Variants in ASH1L observed in about 807,000 individuals in gnomAD.
ASH1L encodes ASH1 like histone lysine methyltransferase, also known as histone-lysine N-methyltransferase ASH1L.
A neutral mutation model predicts 269.0 loss-of-function variants in ASH1L; 23 were observed. The observed-to-expected ratio is 0.09, with a 90% CI of 0.06 to 0.12. The LOEUF (loss-of-function observed/expected upper bound fraction) is 0.12. Ranked by LOEUF, ASH1L falls within the 10% of genes least tolerant of loss-of-function variation. The pLI, the probability that ASH1L is intolerant of heterozygous loss-of-function variation, is 1.00. For synonymous variants in ASH1L, 1,187 were observed against 1,253.5 expected (o/e 0.95, Z 1.12); for missense variants, 2,912 against 3,567.8 (o/e 0.82, Z 4.68).
intron 1 of ASH1L, among the ~76,000 whole-genome samples, chr1:155,529,008 T>C (rs1321916657): frequency 3.9e-5 from 6 of 152,172 alleles, no homozygotes; most frequent in Admixed American, 1.3e-4. Context: ...ACTCCATCCA[T>C]GATCCTGCCA....
intron 24 of ASH1L, among the ~76,000 whole-genome samples, chr1:155,342,347 T>C: frequency 6.6e-6 from 1 of 152,106 alleles, no homozygotes; most frequent in Non-Finnish European, 1.5e-5. Context: ...AAATGTAAAC[T>C]GAGTGCTGCA....
intron 1 of ASH1L, among the ~76,000 whole-genome samples, chr1:155,543,824 T>C (rs576145994): frequency 1.3e-5 from 2 of 151,984 alleles, no homozygotes; most frequent in African/African-American, 4.8e-5. Context: ...CCCAGCTACT[T>C]GGCAGGGGCT....
intron 4 of ASH1L, among the ~76,000 whole-genome samples, chr1:155,448,061 G>C (rs144731764): frequency 5.3e-5 from 8 of 152,286 alleles, no homozygotes; most frequent in African/African-American, 1.9e-4. Context: ...CAGGGGTCAA[G>C]TTTTTCTTTT....
In ASH1L at chr1:155,431,687, C is replaced by T. The variant is rs1055976686; in HGVS notation, c.5828+6640G>A. 3.9e-5 allele frequency among the ~76,000 whole-genome samples: 6 copies of T among 152,144 alleles called. No individual in the cohort carries two copies. The South Asian group carries it at 1.2e-3, about 32-fold the overall frequency. On this transcript the variant is annotated intron_variant, in intron 5 of 27. Transcript: ENST00000392403. ...GGATGGGGGTGGAGACGCTTGAGCC[C>T]GGGAGGTGGAGGTTGCAGTGAACTG...
chr1:155,395,111 A>AT (rs1217661802), intron 7 of ASH1L, among the ~76,000 whole-genome samples: 1 of 151,900 alleles, frequency 6.6e-6, no homozygotes, highest in Non-Finnish European at 1.5e-5. Context: ...TAATTTTCAT[A>AT]TTTTTTGTAG....
chr1:155,338,519 T>G (rs542011555), intron 26 of ASH1L, 129 bp from the exon 27 acceptor site: 1 of 690,616 alleles, frequency 1.4e-6, no homozygotes, highest in African/African-American at 1.8e-5. Flanking sequence ...GGTAAGAAAC[T>G]TGACTCTCGT....
At chr1:155,545,979 A>C (rs889884167) in intron 1 of ASH1L, among the ~76,000 whole-genome samples, 2 of 152,080 alleles carry the variant, frequency 1.3e-5, no homozygotes, top group African/African-American at 4.8e-5. Flanking sequence ...CAATGTGGTG[A>C]AACCCCATCT....
chr1:155,488,546 G>A (rs1451254437), intron 2 of ASH1L, among the ~76,000 whole-genome samples: 1 of 147,850 alleles, frequency 6.8e-6, no homozygotes, highest in African/African-American at 2.5e-5. Context: ...GCGCATGCCT[G>A]TGGTCCCAGC....
chr1:155,472,791 T>A (rs889559475), intron 3 of ASH1L, among the ~76,000 whole-genome samples: 8 of 152,244 alleles, frequency 5.3e-5, no homozygotes, highest in African/African-American at 1.9e-4. Context: ...GTAAAATTGC[T>A]ACATTTTTTA....
chr1:155,364,218 GT>G (rs1207298280), intron 12 of ASH1L, among the ~76,000 whole-genome samples: 1 of 152,092 alleles, frequency 6.6e-6, no homozygotes, highest in Non-Finnish European at 1.5e-5. Flanking sequence ...AGTCAAGATC[GT>G]CCCACTGTAC....
At chr1:155,360,278 C>CGAG (rs1347604457) in intron 13 of ASH1L, 23 bp downstream of exon 13, 1 of 1,460,228 alleles carries the variant, frequency 6.8e-7, no homozygotes, top group Non-Finnish European at 9.6e-7. Context: ...GTTCAATCTC[C>CGAG]CTCTAGGATT....
At chr1:155,457,669 G>A (rs1663961166) in intron 4 of ASH1L, among the ~76,000 whole-genome samples, 2 of 152,182 alleles carry the variant, frequency 1.3e-5, no homozygotes, top group Non-Finnish European at 2.9e-5. Context: ...GAATATGTCT[G>A]AATTATTGAG....
At chr1:155,549,354 T>C (rs1437619301) in intron 1 of ASH1L, among the ~76,000 whole-genome samples, 1 of 151,980 alleles carries the variant, frequency 6.6e-6, no homozygotes, top group East Asian at 1.9e-4. Flanking sequence ...AAAAAACTTT[T>C]TGGCCAGACA....
At chr1:155,448,975 C>A in intron 4 of ASH1L, among the ~76,000 whole-genome samples, 1 of 151,880 alleles carries the variant, frequency 6.6e-6, no homozygotes, top group East Asian at 1.9e-4. Flanking sequence ...CGCTTTGTTG[C>A]CAGGCTGGAG....
intron 2 of ASH1L, among the ~76,000 whole-genome samples, chr1:155,507,603 G>T (rs949782520): frequency 1.3e-5 from 2 of 152,182 alleles, no homozygotes; most frequent in African/African-American, 4.8e-5. Context: ...CAAATGCAGT[G>T]GCTCACGCCT....
chr1:155,371,125 A>T (rs1169993351), intron 10 of ASH1L, 142 bp from the exon 11 acceptor site: 2 of 736,880 alleles, frequency 2.7e-6, no homozygotes, highest in Non-Finnish European at 4.4e-6. Flanking sequence ...CTAAGATTAA[A>T]ATAATAAATG....
At chr1:155,447,347 A>G (rs1404363170) in intron 4 of ASH1L, among the ~76,000 whole-genome samples, 8 of 152,136 alleles carry the variant, frequency 5.3e-5, no homozygotes, top group Admixed American at 5.2e-4. Context: ...TTTTTCTTAA[A>G]AAATATTAAT....
chr1:155,521,315 C>A lies in ASH1L; in HGVS notation c.205G>T (p.Ala69Ser), dbSNP rs1418644741. ...EAGKDDGLTDAQQQFSVKETN... is the reference protein window; with the variant it reads ...EAGKDDGLTDSQQQFSVKETN... Reference sequence around the variant, plus strand: ...TCTTTCACTGAAAACTGTTGCTGTGCATCAGTCAAACCATCATCTTTCCCA... The same window carrying A: ...TCTTTCACTGAAAACTGTTGCTGTGAATCAGTCAAACCATCATCTTTCCCA... The change falls in exon 2 of 28, where the codon GCA becomes TCA. Residue 69 changes from alanine to serine, a missense_variant. Ala to Ser is a moderately conservative substitution (Grantham distance 99). Around this residue, in one of 13 missense-constraint regions of ASH1L, gnomAD observed 115 missense variants for 101.5 expected, o/e 1.13. Coordinates refer to ENST00000392403, the MANE Select transcript of ASH1L (RefSeq NM_018489.3). 3.7e-6 allele frequency: 6 copies of A among 1,614,000 alleles called. No homozygotes were observed. The highest frequency in any genetic ancestry group is 1.7e-5 in the Admixed American group (1 of 59,994).
upstream of ASH1L, chr1:155,562,888 G>A: frequency 2.8e-6 from 1 of 359,628 alleles, no homozygotes; most frequent in South Asian, 1.9e-5. Context: ...GGCCGCCGCC[G>A]CCGCCGCCAG....
Sources: allele counts gnomAD v4.1 joint callset (sites outside exome capture counted in the v4.1 genomes callset), GRCh38; gene constraint gnomAD v4.1.1; regional missense constraint gnomAD v4.1.1; transcripts MANE v1.5; gene names NCBI Gene and HGNC (gene_info 2026-07-23, HGNC 2026-07-21).